Variants in SEMA4B observed in about 807,000 individuals in gnomAD.
The protein encoded by SEMA4B is semaphorin-4B.
A neutral mutation model predicts 88.1 loss-of-function variants in SEMA4B; 55 were observed. The observed-to-expected ratio is 0.62, with a 90% confidence interval of 0.50 to 0.78. The LOEUF is 0.78. Among genes scored for constraint, SEMA4B ranks in the 30% least tolerant of loss-of-function variants. SEMA4B has a pLI of 0.00. For missense variants in SEMA4B, 1,062 were observed against 1,111.9 expected, an observed-to-expected ratio of 0.96 and a Z score of 0.64; for synonymous variants, 525 against 473.6, an observed-to-expected ratio of 1.11 and a Z score of -1.41.
At chr15:90,185,514 G>A (rs890789641) in intron 1 of SEMA4B, among the ~76,000 whole-genome samples, 1 of 152,254 alleles carries the variant, frequency 6.6e-6, no homozygotes, top group African/African-American at 2.4e-5. Flanking sequence ...GAGAAGGCTA[G>A]AAGGAGAAGG....
chr15:90,188,289 A>C (rs984959904), intron 1 of SEMA4B, among the ~76,000 whole-genome samples: 39 of 152,262 alleles, frequency 2.6e-4, no homozygotes, highest in African/African-American at 9.4e-4. Context: ...CTGCCACTGC[A>C]TTCCAGCTTG....
intron 1 of SEMA4B, among the ~76,000 whole-genome samples, chr15:90,189,122 G>A (rs189183450): frequency 2.0e-5 from 3 of 151,900 alleles, no homozygotes; most frequent in Admixed American, 6.6e-5. Flanking sequence ...AGAAGGAAGT[G>A]GGGGGGAGGA....
chr15:90,228,835 A>G lies in SEMA4B; in HGVS notation c.*192A>G, dbSNP rs2151631889. On this transcript the variant is annotated 3_prime_UTR_variant, in exon 14 of 14. Transcript: ENST00000411539. ...GCTCCTACCACCCAGACACCCAAAC[A>G]GCCGTGGCCCCAGAGGTCCTGGCCA... The G allele has an allele frequency of 1.4e-6, 1 of 734,914 alleles. No individual in the cohort carries two copies. The highest frequency in any genetic ancestry group is 2.8e-5 in the East Asian group (1 of 36,354). The allele number at this position is 734,914 out of a possible 1,614,324, so 45.5% of individuals were successfully genotyped here.
At chr15:90,195,924 CT>C (rs776885861) in intron 1 of SEMA4B, among the ~76,000 whole-genome samples, 43 of 76,656 alleles carry the variant, frequency 5.6e-4, no homozygotes, top group Non-Finnish European at 6.7e-4. Context: ...TTGTACTTCT[CT>C]TTTTTTTTTT....
chr15:90,195,999 G>C (rs1205115709), intron 1 of SEMA4B, among the ~76,000 whole-genome samples: 1 of 142,616 alleles, frequency 7.0e-6, no homozygotes, highest in Non-Finnish European at 1.5e-5. Flanking sequence ...GGCTCACTGC[G>C]AGCTCTGCCT....
At chr15:90,189,021 C>T (rs1380941068) in intron 1 of SEMA4B, among the ~76,000 whole-genome samples, 1 of 152,102 alleles carries the variant, frequency 6.6e-6, no homozygotes, top group Non-Finnish European at 1.5e-5. Context: ...AAACTAAGCT[C>T]TGTGAAGGCA....
chr15:90,219,950 A>G (rs746034386), intron 4 of SEMA4B, 59 bp downstream of exon 4: 53 of 1,334,280 alleles, frequency 4.0e-5, no homozygotes, highest in Non-Finnish European at 1.1e-5. Flanking sequence ...TTTCTGCCCC[A>G]GGGATCCTGT....
rs2151626977 is a variant in SEMA4B, at chr15:90,225,656, T to C, written c.1522-5T>C. The C allele has an allele frequency of 6.4e-7, 1 of 1,561,716 alleles. No homozygotes were observed. The highest frequency in any genetic ancestry group is 8.7e-7 in the Non-Finnish European group (1 of 1,154,188). ...CGCTTCTCATCCCCGTGTCTGGCTG[T>C]GCAGGGGCTGCTGTATGCGGCCTCA... is the stretch of plus-strand genomic sequence containing the variant. On this transcript the variant is annotated splice_region_variant and splice_polypyrimidine_tract_variant and intron_variant, in intron 11 of 13. Transcript: ENST00000411539.
rs1261461787 is a variant in SEMA4B, at chr15:90,228,090, T to G, written c.1961T>G (p.Phe654Cys). The G allele has an allele frequency of 6.2e-7, 1 of 1,612,852 alleles. No homozygotes were observed. The highest frequency in any genetic ancestry group is 1.3e-5 in the African/African-American group (1 of 74,894). The change falls in exon 14 of 14, where the codon TTC becomes TGC. Residue 654 changes from phenylalanine (F) to cysteine (C), a missense_variant. Physicochemically the swap from Phe to Cys is radical, Grantham distance 205 (BLOSUM62 -2). Transcript: ENST00000411539. ...GTGGGCACCCAACAGCTGGGGGAGT[T>G]CCAGTGCTGGTCACTAGAGGAGGGC... ...LLVGTQQLGE[F>C]QCWSLEEGFQ...
At chr15:90,203,337 C>T (rs1960833810) in intron 1 of SEMA4B, among the ~76,000 whole-genome samples, 1 of 152,174 alleles carries the variant, frequency 6.6e-6, no homozygotes, top group African/African-American at 2.4e-5. Context: ...GTGGCCACAA[C>T]TCCCTTTGCC....
At position 90,212,611 on chromosome 15, in the gene SEMA4B, G is replaced by A. The variant is rs937925222; in HGVS notation, c.158-4828G>A. On this transcript the variant is annotated intron_variant, in intron 1 of 13. Coordinates refer to ENST00000411539, the MANE Select transcript of SEMA4B (RefSeq NM_198925.4). The surrounding 1 kb of genome is among the most constrained non-coding windows in gnomAD (Gnocchi z 4.0). ...GCACAAAGAGCACCTAGGAGTGAGT[G>A]CGCAAGCGTGGACAAGCCCTGCGGT... 6.6e-6 allele frequency among the ~76,000 whole-genome samples: 1 copy of A among 151,648 alleles called. No individual in the cohort carries two copies.
chr15:90,225,101 A>G lies in SEMA4B; in HGVS notation c.1328A>G (p.Gln443Arg). The G allele has an allele frequency of 1.2e-6, 2 of 1,613,716 alleles. No homozygotes were observed. Among genetic ancestry groups the G allele is most frequent in the Non-Finnish European group, 1.7e-6 (2 of 1,179,858 alleles). Residue 443 changes from glutamine to arginine, a missense_variant, in exon 10 of 14, where the codon CAG (glutamine) becomes CGG (arginine). Transcript: ENST00000411539. ...AGCCGCATGCTGCTGCTGCAGCCCC[A>G]GGCTCGCTACCAGCGCGTGGCTGTA... ...VRSRMLLLQPQARYQRVAVHR... is the reference protein window; with the variant it reads ...VRSRMLLLQPRARYQRVAVHR...
intron 4 of SEMA4B, chr15:90,220,144 G>A: frequency 2.2e-6 from 1 of 458,694 alleles, no homozygotes; most frequent in East Asian, 3.8e-5. Context: ...TGCCACCCAG[G>A]CCTTGCTGCC....
chr15:90,189,529 G>A (rs1960283489), intron 1 of SEMA4B, among the ~76,000 whole-genome samples: 1 of 152,180 alleles, frequency 6.6e-6, no homozygotes, highest in Non-Finnish European at 1.5e-5. Context: ...CTCACTTATA[G>A]TAGGTGCTCA....
intron 1 of SEMA4B, among the ~76,000 whole-genome samples, chr15:90,204,606 A>C (rs897741631): frequency 6.6e-6 from 1 of 152,194 alleles, no homozygotes; most frequent in African/African-American, 2.4e-5. Flanking sequence ...TGGAACTACC[A>C]TGCAGAGCTC....
chr15:90,197,254 G>A (rs764326468), upstream of SEMA4B, among the ~76,000 whole-genome samples: 129 of 152,058 alleles, frequency 8.5e-4, 2 homozygotes, highest in Non-Finnish European at 1.6e-3. Flanking sequence ...TCCGAGTGTG[G>A]TGGTGCATGC....
intron 13 of SEMA4B, 68 bp from the exon 14 acceptor site, chr15:90,227,836 G>A (rs1962250903): frequency 6.3e-7 from 1 of 1,596,262 alleles, no homozygotes; most frequent in Admixed American, 1.7e-5. Context: ...AGCCCAGAGG[G>A]AGGCAGGGGA....
At chr15:90,211,467 G>T (rs1018825451) in intron 1 of SEMA4B, among the ~76,000 whole-genome samples, 3 of 152,188 alleles carry the variant, frequency 2.0e-5, no homozygotes, top group African/African-American at 4.8e-5. Flanking sequence ...CCTGGTCAGG[G>T]ACTCGACTCT....
At chr15:90,201,172 C>G, upstream of SEMA4B, 1 of 301,754 alleles carries the variant, frequency 3.3e-6, no homozygotes, top group Non-Finnish European at 4.9e-6. Context: ...TCCCAGCGCT[C>G]CGGCGGCCGC....
Sources: gnomAD v4.1 joint callset for allele counts (sites outside exome capture counted in the v4.1 genomes callset) on GRCh38, gnomAD v4.1.1 for gene constraint, Gnocchi (gnomAD v3.1) non-coding constraint, MANE v1.5 for transcripts, NCBI Gene and HGNC (gene_info 2026-07-23, HGNC 2026-07-21) for gene names.